The following SP100 variants were observed in gnomAD, a reference collection of about 807,000 sequenced individuals.
The protein encoded by SP100 is nuclear autoantigen Sp-100.
Under a neutral mutation model 130.0 loss-of-function variants are expected in SP100, and 84 were observed. The observed-to-expected ratio is 0.65, with a 90% CI of 0.54 to 0.77. The LOEUF is 0.77. Among genes scored for constraint, SP100 ranks in the 30% least tolerant of loss-of-function variants. The pLI is 0.00. For missense variants in SP100, 978 were observed against 1,052.2 expected (o/e 0.93, Z 0.97); for synonymous variants, 331 against 351.7 (o/e 0.94, Z 0.66).
intron 24 of SP100, among the ~76,000 whole-genome samples, chr2:230,529,565 G>T (rs1691599782): frequency 6.6e-6 from 1 of 152,214 alleles, no homozygotes; most frequent in African/African-American, 2.4e-5. Flanking sequence ...CATAGTGTTG[G>T]AAGTTCTGGC....
chr2:230,494,095 C>G lies in SP100; in HGVS notation c.1601-321C>G, dbSNP rs6743593. On this transcript the variant is annotated intron_variant, in intron 17 of 28. Coordinates refer to ENST00000340126, the MANE Select transcript of SP100 (RefSeq NM_001080391.2). ...TTCTTAGACCTACTGTTGCTTGACC[C>G]TCTTGGTACTCTTCTGCTGCTGCTG... Among the ~76,000 whole-genome samples the G allele has an allele frequency of 3.5e-3, 530 of 152,124 alleles. 2 individuals are homozygous for G. The highest frequency in any genetic ancestry group is 0.012 in the African/African-American group (491 of 41,500).
chr2:230,436,235 T>C (rs1347507512), intron 2 of SP100, among the ~76,000 whole-genome samples: 1 of 152,198 alleles, frequency 6.6e-6, no homozygotes, highest in East Asian at 1.9e-4. Flanking sequence ...GTATTTGCTA[T>C]TGAGTCTGAG....
intron 13 of SP100, 69 bp from the exon 14 acceptor site, chr2:230,468,974 G>T: frequency 1.1e-6 from 1 of 946,378 alleles, no homozygotes; most frequent in Non-Finnish European, 1.7e-6. Flanking sequence ...TGTCAACAGT[G>T]TAAGCAGTCA....
At chr2:230,457,045 C>A (rs1372734397) in intron 8 of SP100, among the ~76,000 whole-genome samples, 1 of 152,206 alleles carries the variant, frequency 6.6e-6, no homozygotes, top group Admixed American at 6.5e-5. Flanking sequence ...CTAGTCTTTG[C>A]AGGCTGACTT....
intron 18 of SP100, among the ~76,000 whole-genome samples, chr2:230,497,826 G>C (rs2066782112): frequency 6.6e-6 from 1 of 152,146 alleles, no homozygotes; most frequent in Admixed American, 6.6e-5. Context: ...TAGTTTCTTA[G>C]ATCCTAATTT....
chr2:230,483,301 G>C (rs1237467701), intron 17 of SP100, among the ~76,000 whole-genome samples: 2 of 152,184 alleles, frequency 1.3e-5, no homozygotes, highest in Non-Finnish European at 2.9e-5. Context: ...TGTAACTCAA[G>C]ATCTAAATGC....
At chr2:230,443,785 T>C (rs909870152) in intron 3 of SP100, among the ~76,000 whole-genome samples, 2 of 152,202 alleles carry the variant, frequency 1.3e-5, no homozygotes, top group Non-Finnish European at 2.9e-5. Context: ...CCTGGTTTCC[T>C]TGGGCCCTTC....
chr2:230,469,054 T>A lies in SP100; in HGVS notation c.1303T>A (p.Ser435Thr). Reference protein sequence around the residue: ...SKHGEKAPMTSRSTSTWRIPS... With the variant: ...SKHGEKAPMTTRSTSTWRIPS... ...CCTTTACTTTCTAGCTCCTATGACT[T>A]CTAGAAGTACATCTACTTGGAGAAT... The change falls in exon 14 of 29, where the codon TCT (serine) becomes ACT (threonine). Residue 435 changes from serine to threonine, a missense_variant. Coordinates refer to ENST00000340126, the MANE Select transcript of SP100 (RefSeq NM_001080391.2). 1 of 1,594,690 alleles carries A rather than the reference T, an allele frequency of 6.3e-7. No homozygotes were observed.
chr2:230,540,514 T>TG (rs1692129168), intron 25 of SP100, among the ~76,000 whole-genome samples: 6 of 152,194 alleles, frequency 3.9e-5, no homozygotes. Context: ...GTGATCTGAT[T>TG]GACTCATAGA....
chr2:230,483,707 A>G (rs1435320786), intron 17 of SP100, among the ~76,000 whole-genome samples: 2 of 152,162 alleles, frequency 1.3e-5, no homozygotes, highest in East Asian at 3.8e-4. Context: ...AAGTGGGTAG[A>G]TTCTGAAAAT....
intron 16 of SP100, 21 bp downstream of exon 16, chr2:230,473,461 TG>T: frequency 6.7e-7 from 1 of 1,481,746 alleles, no homozygotes; most frequent in Non-Finnish European, 9.4e-7. Context: ...CCTAGGGTCT[TG>T]GGATGGAAGT....
chr2:230,529,200 C>G (rs1462579871), intron 24 of SP100, among the ~76,000 whole-genome samples: 1 of 152,186 alleles, frequency 6.6e-6, no homozygotes, highest in African/African-American at 2.4e-5. Context: ...TAAACCAAAT[C>G]CAGCAACACA....
intron 13 of SP100, among the ~76,000 whole-genome samples, chr2:230,468,418 T>C (rs2065069662): frequency 6.6e-6 from 1 of 152,156 alleles, no homozygotes; most frequent in Admixed American, 6.5e-5. Flanking sequence ...ACACCAAATA[T>C]GATAAGATTT....
At chr2:230,467,503 G>A (rs1621973) in intron 13 of SP100, among the ~76,000 whole-genome samples, 10,817 of 152,166 alleles carry the variant, frequency 0.071, 559 homozygotes, top group East Asian at 0.17. Flanking sequence ...AGAAAGAGGT[G>A]TAATGGACTT....
At chr2:230,481,405 A>G (rs115500078) in intron 17 of SP100, among the ~76,000 whole-genome samples, 163 of 152,232 alleles carry the variant, frequency 1.1e-3, no homozygotes, top group African/African-American at 3.8e-3. Context: ...GTTTGAGCCA[A>G]AAATGTAGAA....
rs533242784 is a variant in SP100, at chr2:230,480,243, C to T, written c.1600+5796C>T. Among the ~76,000 whole-genome samples, 506 of 152,150 alleles carry T rather than the reference C, an allele frequency of 3.3e-3. 2 individuals carry two copies. The highest frequency in any genetic ancestry group is 0.011 in the African/African-American group (473 of 41,502). ...AGTGGGTTGATTCACAGTAAGTGCCCGATTAATAGTTATTGGATGAGTAAT... is the reference window on the plus strand; with the variant it reads ...AGTGGGTTGATTCACAGTAAGTGCCTGATTAATAGTTATTGGATGAGTAAT... On this transcript the variant is annotated intron_variant, in intron 17 of 28. Coordinates refer to ENST00000340126, the MANE Select transcript of SP100 (RefSeq NM_001080391.2).
intron 24 of SP100, among the ~76,000 whole-genome samples, chr2:230,535,231 C>T (rs1289330151): frequency 6.6e-6 from 1 of 151,980 alleles, no homozygotes; most frequent in African/African-American, 2.4e-5. Flanking sequence ...AGCTACAGTC[C>T]ATGGTTTGCT....
chr2:230,500,982 C>T (rs577927626), intron 19 of SP100, among the ~76,000 whole-genome samples: 2 of 152,286 alleles, frequency 1.3e-5, no homozygotes, highest in East Asian at 3.9e-4. Context: ...GTGGCTCACA[C>T]CTGTAATCCC....
rs909207298 is a variant in SP100 at position 230,540,893 on chromosome 2, T to C, written c.2228T>C (p.Ile743Thr). 1 of 1,612,370 alleles carries C rather than the reference T, an allele frequency of 6.2e-7. No homozygotes were observed. Among genetic ancestry groups the C allele is most frequent in the Non-Finnish European group, 8.5e-7 (1 of 1,178,812 alleles). The stretch of plus-strand genomic sequence containing the variant: ...TCTCTCAGGAACCCGTGGAGTTGCA[T>C]CTTCTGCAGGATAAAGACTATTCAG... ...VEANKNPWSC[I>T]FCRIKTIQER... is the part of the protein sequence containing the mutation. Residue 743 changes from isoleucine (I) to threonine (T), a missense_variant, in exon 26 of 29, where the codon ATC becomes ACC. Ile to Thr is a moderately conservative substitution (Grantham distance 89). Transcript: ENST00000340126.
Sources: allele counts gnomAD v4.1 joint callset (sites outside exome capture counted in the v4.1 genomes callset), GRCh38; gene constraint gnomAD v4.1.1; transcripts MANE v1.5; gene names NCBI Gene and HGNC (gene_info 2026-07-23, HGNC 2026-07-21).